The following DNM3 variants were observed in gnomAD, a reference collection of about 807,000 sequenced individuals.
DNM3 encodes dynamin 3.
In DNM3, 47 loss-of-function variants were observed where a neutral mutation model predicts 101.6. That is an observed-to-expected ratio of 0.46 (90% CI 0.37 to 0.59). The LOEUF is 0.59. Ranked by LOEUF, DNM3 falls within the 20% of genes least tolerant of loss-of-function variation. The pLI is 0.00. For missense variants in DNM3, 849 were observed against 1,085.7 expected (o/e 0.78, Z 3.06); for synonymous variants, 385 against 387.9 (o/e 0.99, Z 0.09).
rs555033213 is a variant in DNM3 at position 172,361,366 on chromosome 1, A to G, written c.1894-17652A>G. ...CACATTTGAATGTTAAAACATAGATACTTTCTTTTACGCTAAGTCAGACAC... is the reference window on the plus strand; with the variant it reads ...CACATTTGAATGTTAAAACATAGATGCTTTCTTTTACGCTAAGTCAGACAC... On this transcript the variant is annotated intron_variant, in intron 17 of 20. Transcript: ENST00000627582. Among the ~76,000 whole-genome samples the G allele has an allele frequency of 6.6e-5, 10 of 152,072 alleles. No individual in the cohort carries two copies. The East Asian group carries it at 1.9e-3, about 30-fold the overall frequency.
chr1:171,906,184 G>A (rs538546200), intron 1 of DNM3, among the ~76,000 whole-genome samples: 2 of 149,922 alleles, frequency 1.3e-5, no homozygotes, highest in Admixed American at 1.3e-4. Flanking sequence ...CTGGAGTGCA[G>A]TGGTGTGAAC....
chr1:172,038,505 TTC>T, intron 7 of DNM3, 44 bp downstream of exon 7: 1 of 1,597,622 alleles, frequency 6.3e-7, no homozygotes, highest in Non-Finnish European at 8.5e-7. Context: ...TTAATCTAAT[TTC>T]TTTAGTTTTC....
At chr1:172,157,797 C>T (rs778814975) in intron 14 of DNM3, among the ~76,000 whole-genome samples, 47 of 152,022 alleles carry the variant, frequency 3.1e-4, no homozygotes, top group Non-Finnish European at 6.5e-4. Flanking sequence ...AAATATGGTG[C>T]CATTTTATAT....
At chr1:172,156,140 C>T (rs562738554) in intron 14 of DNM3, among the ~76,000 whole-genome samples, 1 of 152,004 alleles carries the variant, frequency 6.6e-6, no homozygotes, top group South Asian at 2.1e-4. Context: ...GTATATTAAG[C>T]ACTTAAAAAA....
chr1:172,317,633 A>G (rs2065453727), intron 16 of DNM3, among the ~76,000 whole-genome samples: 1 of 152,226 alleles, frequency 6.6e-6, no homozygotes, highest in Non-Finnish European at 1.5e-5. Context: ...AAACTAGAAA[A>G]TCTAGAAGAA....
chr1:171,871,737 A>C (rs988020093), intron 1 of DNM3, among the ~76,000 whole-genome samples: 3 of 152,136 alleles, frequency 2.0e-5, no homozygotes, highest in African/African-American at 7.2e-5. Context: ...AGAATATTTA[A>C]AATGTATTTT....
chr1:171,867,137 G>C (rs551518099), intron 1 of DNM3, among the ~76,000 whole-genome samples: 78 of 152,338 alleles, frequency 5.1e-4, no homozygotes, highest in African/African-American at 1.2e-3. Flanking sequence ...ACTTAGGAAG[G>C]GGGTAGGAGT....
intron 2 of DNM3, among the ~76,000 whole-genome samples, chr1:171,940,382 CAG>C (rs564659715): frequency 9.3e-4 from 142 of 152,258 alleles, no homozygotes; most frequent in South Asian, 4.8e-3. Context: ...TGCTGCACAA[CAG>C]AGAGGTTGCC....
intron 14 of DNM3, among the ~76,000 whole-genome samples, chr1:172,253,265 T>C (rs1442197986): frequency 6.6e-6 from 1 of 152,124 alleles, no homozygotes; most frequent in African/African-American, 2.4e-5. Flanking sequence ...ATGTGTTTTC[T>C]TCATCTCAGA....
intron 15 of DNM3, among the ~76,000 whole-genome samples, chr1:172,259,596 C>T (rs1047872366): frequency 6.6e-6 from 1 of 152,036 alleles, no homozygotes; most frequent in Non-Finnish European, 1.5e-5. Context: ...TTACATGGAA[C>T]ATCTTTTTCC....
chr1:172,348,574 T>C (rs947569052), intron 17 of DNM3, among the ~76,000 whole-genome samples: 4 of 152,156 alleles, frequency 2.6e-5, no homozygotes, highest in Non-Finnish European at 4.4e-5. Context: ...CACACATTTA[T>C]GTACAGAGTA....
intron 14 of DNM3, among the ~76,000 whole-genome samples, chr1:172,165,750 T>C (rs374982347): frequency 1.5e-4 from 23 of 152,270 alleles, no homozygotes; most frequent in Admixed American, 8.5e-4. Context: ...AAATCTTTAA[T>C]GCTTCTTTAA....
At chr1:172,096,398 G>C (rs1215702182) in intron 13 of DNM3, among the ~76,000 whole-genome samples, 1 of 152,220 alleles carries the variant, frequency 6.6e-6, no homozygotes, top group Non-Finnish European at 1.5e-5. Context: ...AAGGAGATTA[G>C]TTAGAAGGCT....
intron 4 of DNM3, among the ~76,000 whole-genome samples, chr1:172,010,604 A>G (rs1365766629): frequency 1.1e-5 from 1 of 93,298 alleles, no homozygotes; most frequent in Non-Finnish European, 2.3e-5. Context: ...CCTCTCTGCT[A>G]TTATGGCTAT....
intron 14 of DNM3, among the ~76,000 whole-genome samples, chr1:172,186,598 C>T (rs968948188): frequency 2.0e-5 from 3 of 152,060 alleles, no homozygotes; most frequent in African/African-American, 7.2e-5. Flanking sequence ...GCATCTGCCT[C>T]TTTTGATACA....
chr1:172,408,965 T>C lies in DNM3; in HGVS notation c.*1124T>C. On this transcript the variant is annotated 3_prime_UTR_variant, in exon 21 of 21. Transcript: ENST00000627582. ...AGAGCTCACACTTTTACAGTTGCAGTATTTCAAAGTCCCTATCCAGGTCAC... is the reference window on the plus strand; with the variant it reads ...AGAGCTCACACTTTTACAGTTGCAGCATTTCAAAGTCCCTATCCAGGTCAC... 1.0e-6 allele frequency: 1 copy of C among 985,370 alleles called. No individual in the cohort carries two copies. Among genetic ancestry groups the C allele is most frequent in the Non-Finnish European group, 1.2e-6 (1 of 829,868 alleles). The allele number at this position is 985,370 out of a possible 1,614,324, so 61.0% of individuals were successfully genotyped here. A position where few individuals can be genotyped will look rare whatever the true frequency, so the allele number is the denominator to read the frequency against.
intron 13 of DNM3, among the ~76,000 whole-genome samples, chr1:172,096,027 C>T (rs1015289276): frequency 9.2e-5 from 14 of 152,112 alleles, no homozygotes; most frequent in African/African-American, 3.1e-4. Context: ...TCAGGAAGCC[C>T]ACAGCTCAGC....
intron 17 of DNM3, among the ~76,000 whole-genome samples, chr1:172,358,355 A>C (rs570965817): frequency 6.6e-6 from 1 of 152,236 alleles, no homozygotes; most frequent in Admixed American, 6.5e-5. Flanking sequence ...ATTCCTGAAT[A>C]AGGTATGTCA....
At chr1:171,926,163 G>C (rs772397279) in intron 2 of DNM3, among the ~76,000 whole-genome samples, 1 of 152,084 alleles carries the variant, frequency 6.6e-6, no homozygotes, top group East Asian at 1.9e-4. Context: ...CTCTGGCTTT[G>C]TTCTTTTTGC....
Sources: allele counts gnomAD v4.1 joint callset (sites outside exome capture counted in the v4.1 genomes callset), GRCh38; gene constraint gnomAD v4.1.1; transcripts MANE v1.5; gene names NCBI Gene and HGNC (gene_info 2026-07-23, HGNC 2026-07-21).